ABHD16A: variants seen among roughly 807,000 people sequenced by gnomAD.
The protein encoded by ABHD16A is abhydrolase domain containing 16A, phospholipase.
Under a neutral mutation model 89.8 loss-of-function variants are expected in ABHD16A, and 47 were observed. The ratio of observed to expected loss-of-function variants is 0.52; its 90% CI spans 0.41 to 0.67. ABHD16A has a LOEUF of 0.67. Among genes scored for constraint, ABHD16A ranks in the 30% least tolerant of loss-of-function variants. The pLI, the probability that ABHD16A is intolerant of heterozygous loss-of-function variation, is 0.00. For missense variants in ABHD16A, 580 were observed against 734.6 expected (o/e 0.79, Z 2.43); for synonymous variants, 251 against 280.4 (o/e 0.90, Z 1.05).
intron 4 of ABHD16A, among the ~76,000 whole-genome samples, chr6:31,700,315 G>A (rs1387648548): frequency 2.0e-5 from 3 of 151,886 alleles, no homozygotes; most frequent in Middle Eastern, 3.2e-3. Flanking sequence ...TGGTAGAGAC[G>A]GGGTTTTACC....
At chr6:31,689,254 C>G in intron 12 of ABHD16A, 135 bp from the exon 13 acceptor site, 1 of 851,842 alleles carries the variant, frequency 1.2e-6, no homozygotes, top group Non-Finnish European at 1.8e-6. Flanking sequence ...TCTTAACCTA[C>G]TTCACTTGGT....
intron 2 of ABHD16A, 50 bp from the exon 3 acceptor site, chr6:31,701,390 C>CACACACA: frequency 2.4e-6 from 3 of 1,231,840 alleles, no homozygotes; most frequent in Non-Finnish European, 3.5e-6. Context: ...CACACACACA[C>CACACACA]CTGCCATTCC....
At chr6:31,697,174 G>A (rs1004953583) in intron 4 of ABHD16A, 141 bp from the exon 5 acceptor site, 27 of 729,810 alleles carry the variant, frequency 3.7e-5, no homozygotes, top group African/African-American at 2.5e-4. Context: ...CATAGGATGC[G>A]GAGAAATAGA....
At position 31,688,153 on chromosome 6, in the gene ABHD16A, G is replaced by A. The variant is rs747911480; in HGVS notation, c.1308-50C>T. The A allele has an allele frequency of 1.2e-6, 2 of 1,606,240 alleles. No individual in the cohort carries two copies. The highest frequency in any genetic ancestry group is 3.3e-5 in the Admixed American group (2 of 59,748). ...GGAGGGGCTGGAGGTTAGGAGGAAG[G>A]GTCTAGATACCCAGGTTTCTGGTGG... On this transcript the variant is annotated intron_variant, in intron 15 of 19. Transcript: ENST00000395952. The surrounding 1 kb of genome is among the most constrained non-coding windows in gnomAD (Gnocchi z 4.9).
rs1472253477 is a variant in ABHD16A at position 31,688,049 on chromosome 6, C to T, written c.1362G>A (p.Leu454=). ...NRGNDLLLKL[L]QHRYPRVMAE... is the part of the protein sequence containing the mutation. Reference sequence around the variant, plus strand: ...CACACCCTGGCTCTCACCGATGCTGCAGGAGCTTCAGCAGGAGGTCATTGC... The same window carrying T: ...CACACCCTGGCTCTCACCGATGCTGTAGGAGCTTCAGCAGGAGGTCATTGC... Residue 454 remains leucine, a synonymous_variant, in exon 16 of 20, where the codon CTG becomes CTA. Coordinates refer to ENST00000395952, the MANE Select transcript of ABHD16A (RefSeq NM_021160.3). The surrounding 1 kb of genome is among the most constrained non-coding windows in gnomAD (Gnocchi z 4.9). 3.7e-6 allele frequency: 6 copies of T among 1,612,612 alleles called. No individual in the cohort carries two copies. The African/African-American group carries it at 5.3e-5, about 14-fold the overall frequency.
In ABHD16A at chr6:31,687,219, T is replaced by A. The variant is rs773600657; in HGVS notation, c.1670A>T (p.His557Leu). ...LPAQNFQMPW[H>L]L is the part of the protein sequence containing the mutation. ...ATGAGTCCCAGTTGGTCCCTAGAGG[T>A]GCCAGGGCATCTGGAAGTTCTGGGC... is the stretch of plus-strand genomic sequence containing the variant. Residue 557 changes from histidine to leucine, a missense_variant, in exon 20 of 20, where the codon CAC (histidine) becomes CTC (leucine). By Grantham distance (99) the His-to-Leu change is moderately conservative. Coordinates refer to ENST00000395952, the MANE Select transcript of ABHD16A (RefSeq NM_021160.3). The surrounding 1 kb of genome is among the most constrained non-coding windows in gnomAD (Gnocchi z 6.3). 2 of 1,612,512 alleles carry A rather than the reference T, an allele frequency of 1.2e-6. No homozygotes were observed. Among genetic ancestry groups the A allele is most frequent in the East Asian group, 4.5e-5 (2 of 44,878 alleles).
rs376294486 is a variant in ABHD16A at position 31,687,482 on chromosome 6, C to T, written c.1593+16G>A. The T allele has an allele frequency of 1.5e-5, 24 of 1,612,986 alleles. No homozygotes were observed. In the African/African-American group the frequency reaches 2.9e-4, roughly 20 times the overall value. Reference sequence around the variant, plus strand: ...GCCATTCAAGAACCCTTCCCACTTCCCACTCCTTAGCTCACCAGAAACAAA... The same window carrying T: ...GCCATTCAAGAACCCTTCCCACTTCTCACTCCTTAGCTCACCAGAAACAAA... On this transcript the variant is annotated intron_variant, in intron 19 of 19. Coordinates refer to ENST00000395952, the MANE Select transcript of ABHD16A (RefSeq NM_021160.3). This position sits in a 1 kb window ranked among gnomAD's most constrained non-coding sequence, Gnocchi z 6.3.
At chr6:31,699,713 T>C (rs1033870586) in intron 4 of ABHD16A, among the ~76,000 whole-genome samples, 3 of 151,774 alleles carry the variant, frequency 2.0e-5, no homozygotes, top group Non-Finnish European at 4.4e-5. Flanking sequence ...GTTAAGACTA[T>C]AGGCATGTGC....
At chr6:31,701,206 T>C in intron 3 of ABHD16A, 68 bp downstream of exon 3, 1 of 1,504,852 alleles carries the variant, frequency 6.6e-7, no homozygotes, top group Non-Finnish European at 9.2e-7. Flanking sequence ...CTCTCCTCTT[T>C]AGGGAGCTGG....
At chr6:31,699,084 C>T (rs1374927359) in intron 4 of ABHD16A, among the ~76,000 whole-genome samples, 1 of 152,196 alleles carries the variant, frequency 6.6e-6, no homozygotes, top group African/African-American at 2.4e-5. Context: ...CTCCCCCACC[C>T]CAGGTAATCA....
Position 31,688,121 on chromosome 6 carries a change from G to A in ABHD16A, c.1308-18C>T, listed in dbSNP as rs372389103. ...CAGGAACCCTGGGGGTGAGAAGAAT[G>A]TACCCTGGAGGGGCTGGAGGTTAGG... On this transcript the variant is annotated intron_variant, in intron 15 of 19. Coordinates refer to ENST00000395952, the MANE Select transcript of ABHD16A (RefSeq NM_021160.3). The surrounding 1 kb of genome is among the most constrained non-coding windows in gnomAD (Gnocchi z 4.9). The A allele has an allele frequency of 6.8e-5, 110 of 1,609,494 alleles. No homozygotes were observed. The African/African-American group carries it at 1.0e-3, about 15-fold the overall frequency.
chr6:31,689,270 A>G lies in ABHD16A; in HGVS notation c.1082-151T>C, dbSNP rs915653. On this transcript the variant is annotated intron_variant, in intron 12 of 19. Coordinates refer to ENST00000395952, the MANE Select transcript of ABHD16A (RefSeq NM_021160.3). ...CTTAACCTACTTCACTTGGTTAGGG[A>G]ACTATCTGGAGAGGATGGGGATAGA... 7,670 of 793,012 alleles carry G rather than the reference A, an allele frequency of 9.7e-3. 100 individuals are homozygous for G. The highest frequency in any genetic ancestry group is 0.083 in the Middle Eastern group (293 of 3,538). The allele number at this position is 793,012 out of a possible 1,614,324, so 49.1% of individuals were successfully genotyped here. A position where few individuals can be genotyped will look rare whatever the true frequency, so the allele number is the denominator to read the frequency against.
Position 31,688,518 on chromosome 6 carries a change from C to A in ABHD16A, c.1250+205G>T. Reference sequence around the variant, plus strand: ...GACCCCTGCCGTGCCAGGCCTTAACCCTTTGGTTGCCAGATCCTGAGGTGG... The same window carrying A: ...GACCCCTGCCGTGCCAGGCCTTAACACTTTGGTTGCCAGATCCTGAGGTGG... On this transcript the variant is annotated intron_variant, in intron 14 of 19. Transcript: ENST00000395952. The surrounding 1 kb of genome is among the most constrained non-coding windows in gnomAD (Gnocchi z 4.9). 2 of 789,694 alleles carry A rather than the reference C, an allele frequency of 2.5e-6. No homozygotes were observed. The highest frequency in any genetic ancestry group is 1.8e-5 in the South Asian group (1 of 56,426). 48.9% of individuals were successfully genotyped at this position (789,694 alleles called of 1,614,324 possible). A position where few individuals can be genotyped will look rare whatever the true frequency, so the allele number is the denominator to read the frequency against.
rs1562123870 is a variant in ABHD16A at position 31,702,111 on chromosome 6, C to T, written c.152G>A (p.Arg51His). 3.1e-6 allele frequency: 5 copies of T among 1,612,948 alleles called. No homozygotes were observed. The highest frequency in any genetic ancestry group is 1.7e-5 in the Admixed American group (1 of 59,998). ...GCTGTCAGCATGTTTCTCCAGGGCACGGGGCTGATAGTACGTATCCTGCCA... is the reference window on the plus strand; with the variant it reads ...GCTGTCAGCATGTTTCTCCAGGGCATGGGGCTGATAGTACGTATCCTGCCA... ...SSSWDTYYQP[R>H]ALEKHADSIL... The change falls in exon 2 of 20, where the codon CGT becomes CAT. Residue 51 changes from arginine (R) to histidine (H), a missense_variant. Arg to His is a conservative substitution (Grantham distance 29, BLOSUM62 0). This residue lies in a region of ABHD16A where 165 missense variants were observed against 165.8 expected (regional missense o/e 1.00). Coordinates refer to ENST00000395952, the MANE Select transcript of ABHD16A (RefSeq NM_021160.3).
chr6:31,693,933 T>C lies in ABHD16A; in HGVS notation c.430-501A>G, dbSNP rs1170288787. ...CTCCTCTGCCATGTGGGGCCACCCG[T>C]TGAAGGAAGCTCTGACTTCCATCCT... On this transcript the variant is annotated intron_variant, in intron 5 of 19. Transcript: ENST00000395952. The surrounding 1 kb of genome is among the most constrained non-coding windows in gnomAD (Gnocchi z 5.0). 1.3e-5 allele frequency among the ~76,000 whole-genome samples: 2 copies of C among 152,226 alleles called. No homozygotes were observed. The highest frequency in any genetic ancestry group is 4.8e-5 in the African/African-American group (2 of 41,466).
In ABHD16A at chr6:31,687,693, C is replaced by G; in HGVS notation, c.1495G>C (p.Val499Leu). 1 of 1,612,896 alleles carries G rather than the reference C, an allele frequency of 6.2e-7. No homozygotes were observed. The highest frequency in any genetic ancestry group is 8.5e-7 in the Non-Finnish European group (1 of 1,179,916). Reference sequence around the variant, plus strand: ...TGTTCTGCCTGGTAGGAGCGGAGGACAGACAGACACCAGTCCTCTTCCACC... The same window carrying G: ...TGTTCTGCCTGGTAGGAGCGGAGGAGAGACAGACACCAGTCCTCTTCCACC... ...WEVEEDWCLS[V>L]LRSYQAEHGP... The change falls in exon 18 of 20, where the codon GTC becomes CTC. Residue 499 changes from valine to leucine, a missense_variant. Physicochemically the swap from Val to Leu is conservative, Grantham distance 32 (BLOSUM62 1). Transcript: ENST00000395952. This position sits in a 1 kb window ranked among gnomAD's most constrained non-coding sequence, Gnocchi z 6.3.
At position 31,691,801 on chromosome 6, in the gene ABHD16A, C is replaced by T. The variant is rs760107482; in HGVS notation, c.741+3G>A. The T allele has an allele frequency of 4.4e-6, 7 of 1,607,300 alleles. No individual in the cohort carries two copies. Among genetic ancestry groups the T allele is most frequent in the East Asian group, 2.2e-5 (1 of 44,802 alleles). On this transcript the variant is annotated splice_donor_region_variant and intron_variant, in intron 8 of 19. Coordinates refer to ENST00000395952, the MANE Select transcript of ABHD16A (RefSeq NM_021160.3). ...AGGGGATGTGCGGGCAGGGAAGCCTCACCTCTTCCACCAGTCGGGCCTGGC... is the reference window on the plus strand; with the variant it reads ...AGGGGATGTGCGGGCAGGGAAGCCTTACCTCTTCCACCAGTCGGGCCTGGC...
Position 31,687,260 on chromosome 6 carries a change from G to A in ABHD16A, c.1629C>T (p.His543=). 1 of 1,613,010 alleles carries A rather than the reference G, an allele frequency of 6.2e-7. No homozygotes were observed. The part of the protein sequence containing the change: ...RKHLHNFEAT[H]CTPLPAQNFQ... ...AGTTCTGGGCTGGGAGTGGGGTGCA[G>A]TGAGTGGCCTCAAAGTTGTGCAGAT... Residue 543 remains histidine, a synonymous_variant, in exon 20 of 20, where the codon CAC becomes CAT. Coordinates refer to ENST00000395952, the MANE Select transcript of ABHD16A (RefSeq NM_021160.3). The surrounding 1 kb of genome is among the most constrained non-coding windows in gnomAD (Gnocchi z 6.3).
rs372813503 is a variant in ABHD16A, at chr6:31,688,241, G to A, written c.1307+8C>T. 36 of 1,613,744 alleles carry A rather than the reference G, an allele frequency of 2.2e-5. No individual in the cohort carries two copies. The highest frequency in any genetic ancestry group is 1.1e-4 in the East Asian group (5 of 44,884). On this transcript the variant is annotated splice_region_variant and intron_variant, in intron 15 of 19. Coordinates refer to ENST00000395952, the MANE Select transcript of ABHD16A (RefSeq NM_021160.3). This position sits in a 1 kb window ranked among gnomAD's most constrained non-coding sequence, Gnocchi z 4.9. ...GGTTCCTGAGGGCCGAGATTCCCAC[G>A]CACTCACGTGGTGGTGATGATCTCA...
Sources: gnomAD v4.1 joint callset for allele counts (sites outside exome capture counted in the v4.1 genomes callset) on GRCh38, gnomAD v4.1.1 for gene constraint, gnomAD v4.1.1 regional missense constraint, Gnocchi (gnomAD v3.1) non-coding constraint, MANE v1.5 for transcripts, NCBI Gene and HGNC (gene_info 2026-07-23, HGNC 2026-07-21) for gene names.